The following PEX14 variants were observed in gnomAD, a reference collection of about 807,000 sequenced individuals.
PEX14 encodes the protein peroxisomal membrane protein PEX14.
A neutral mutation model predicts 49.5 loss-of-function variants in PEX14; 15 were observed. That is an observed-to-expected ratio of 0.30 (90% CI 0.20 to 0.47). PEX14 has a LOEUF of 0.47. Ranked by LOEUF, PEX14 falls within the 20% of genes least tolerant of loss-of-function variation. The pLI, the probability that PEX14 is intolerant of heterozygous loss-of-function variation, is 1.00. For missense variants in PEX14, 398 were observed against 494.8 expected, an observed-to-expected ratio of 0.80 and a Z score of 1.86; for synonymous variants, 210 against 212.7, an observed-to-expected ratio of 0.99 and a Z score of 0.11.
At chr1:10,579,640 A>G (rs1219689575) in intron 3 of PEX14, among the ~76,000 whole-genome samples, 1 of 152,142 alleles carries the variant, frequency 6.6e-6, no homozygotes, top group Non-Finnish European at 1.5e-5. Flanking sequence ...TCTTGATGAG[A>G]TGCCAGACGG....
chr1:10,583,950 G>A (rs1640406507), intron 3 of PEX14, among the ~76,000 whole-genome samples: 1 of 151,600 alleles, frequency 6.6e-6, no homozygotes, highest in South Asian at 2.1e-4. Flanking sequence ...GTTGTGTAGG[G>A]CAACAGTATC....
chr1:10,516,305 G>A (rs2124444768), intron 2 of PEX14, among the ~76,000 whole-genome samples: 1 of 152,320 alleles, frequency 6.6e-6, no homozygotes, highest in South Asian at 2.1e-4. Flanking sequence ...TAGAAACTGT[G>A]TTACTGAGTA....
rs1639813354 is a variant in PEX14, at chr1:10,566,651, GCT to G, written c.169+30355_169+30356del. Among the ~76,000 whole-genome samples, 5 of 152,124 alleles carry G rather than the reference GCT, an allele frequency of 3.3e-5. No homozygotes were observed. In the South Asian group the frequency reaches 1.0e-3, roughly 32 times the overall value. On this transcript the variant is annotated intron_variant, in intron 3 of 8. Transcript: ENST00000356607. ...TTACAGGCATGTGCCATCATGCCTG[GCT>G]AATTTTTTTGTTTGTTTGTTTGTTT...
intron 3 of PEX14, among the ~76,000 whole-genome samples, chr1:10,586,441 C>T (rs1455383273): frequency 2.0e-5 from 3 of 151,948 alleles, no homozygotes; most frequent in Non-Finnish European, 2.9e-5. Flanking sequence ...ACTCTATAAT[C>T]GAGCATTTCC....
intron 2 of PEX14, among the ~76,000 whole-genome samples, chr1:10,535,216 C>A (rs552109106): frequency 1.3e-5 from 2 of 152,328 alleles, no homozygotes; most frequent in South Asian, 2.1e-4. Flanking sequence ...CGTTTCCCAT[C>A]CATAGGGCTG....
At chr1:10,500,406 A>G (rs973755183) in intron 2 of PEX14, among the ~76,000 whole-genome samples, 3 of 150,746 alleles carry the variant, frequency 2.0e-5, no homozygotes, top group Non-Finnish European at 4.4e-5. Context: ...AAAAAAAGAA[A>G]AGAAAAGAAT....
intron 3 of PEX14, among the ~76,000 whole-genome samples, chr1:10,584,828 A>G (rs1640432488): frequency 6.6e-6 from 1 of 152,226 alleles, no homozygotes; most frequent in Admixed American, 6.5e-5. Context: ...CTTACATGGA[A>G]ACATAGAAAT....
intron 5 of PEX14, among the ~76,000 whole-genome samples, chr1:10,618,743 G>A (rs1410786001): frequency 6.6e-6 from 1 of 152,238 alleles, no homozygotes; most frequent in Non-Finnish European, 1.5e-5. Flanking sequence ...AGCCGTGCGA[G>A]CAGTTTTGAG....
intron 3 of PEX14, among the ~76,000 whole-genome samples, chr1:10,541,576 T>A (rs1639014817): frequency 6.6e-6 from 1 of 152,238 alleles, no homozygotes. Context: ...CGCTTGTTCC[T>A]GAGGATGATT....
Position 10,628,024 on chromosome 1 carries a change from C to T in PEX14, c.677+661C>T, listed in dbSNP as rs1028968522. On this transcript the variant is annotated intron_variant, in intron 8 of 8. Transcript: ENST00000356607. This position sits in a 1 kb window ranked among gnomAD's most constrained non-coding sequence, Gnocchi z 4.5. Reference sequence around the variant, plus strand: ...GATCTCGGCTCACTGCAACCTCTGCCTCCCGGGTTCACGCCATTCTCCTGC... The same window carrying T: ...GATCTCGGCTCACTGCAACCTCTGCTTCCCGGGTTCACGCCATTCTCCTGC... 1.1e-4 allele frequency among the ~76,000 whole-genome samples: 16 copies of T among 152,186 alleles called. No homozygotes were observed. The highest frequency in any genetic ancestry group is 3.4e-4 in the African/African-American group (14 of 41,418).
intron 2 of PEX14, among the ~76,000 whole-genome samples, chr1:10,523,825 T>TAAAAAAAAAAAAAA (rs59324356): frequency 7.6e-6 from 1 of 132,370 alleles, no homozygotes; most frequent in Non-Finnish European, 1.6e-5. Flanking sequence ...TCCTTTTAGT[T>TAAAAAAAAAAAAAA]AAAAAAAAAA....
chr1:10,546,607 C>T (rs546992543), intron 3 of PEX14, among the ~76,000 whole-genome samples: 1 of 147,124 alleles, frequency 6.8e-6, no homozygotes, highest in African/African-American at 2.5e-5. Flanking sequence ...TGGCTCACGC[C>T]TATAATCCCA....
intron 1 of PEX14, among the ~76,000 whole-genome samples, chr1:10,481,562 C>T (rs1360475189): frequency 6.6e-6 from 1 of 152,024 alleles, no homozygotes; most frequent in Non-Finnish European, 1.5e-5. Flanking sequence ...CAGCCTCAGC[C>T]TCCCGAGTAG....
At chr1:10,575,450 A>G (rs935163233) in intron 3 of PEX14, among the ~76,000 whole-genome samples, 22 of 152,214 alleles carry the variant, frequency 1.4e-4, no homozygotes, top group African/African-American at 5.1e-4. Context: ...TAATTTTTCA[A>G]CACCCATGGT....
intron 1 of PEX14, among the ~76,000 whole-genome samples, chr1:10,484,001 T>C (rs77101613): frequency 0.046 from 6,946 of 151,064 alleles, 513 homozygotes; most frequent in African/African-American, 0.12. Context: ...TTATGGTATG[T>C]ATCAGTAATT....
At chr1:10,585,569 A>G (rs982905627) in intron 3 of PEX14, among the ~76,000 whole-genome samples, 2 of 152,226 alleles carry the variant, frequency 1.3e-5, no homozygotes, top group Admixed American at 1.3e-4. Context: ...AAGATACACC[A>G]TGCAAACACT....
chr1:10,541,164 C>G (rs1446717003), intron 3 of PEX14, among the ~76,000 whole-genome samples: 1 of 152,182 alleles, frequency 6.6e-6, no homozygotes, highest in Non-Finnish European at 1.5e-5. Context: ...TAAGAGAGGA[C>G]AGTGGGCAAA....
chr1:10,590,256 C>T (rs536305773), intron 3 of PEX14, among the ~76,000 whole-genome samples: 7 of 152,336 alleles, frequency 4.6e-5, no homozygotes, highest in East Asian at 1.9e-4. Context: ...AACCGTGAGT[C>T]GTGCCCCTCG....
Position 10,621,634 on chromosome 1 carries a change from C to T in PEX14, c.385-1385C>T, listed in dbSNP as rs185626970. 6.6e-4 allele frequency among the ~76,000 whole-genome samples: 101 copies of T among 152,218 alleles called. 2 individuals carry two copies. In the East Asian group the frequency reaches 0.011, roughly 17 times the overall value. On this transcript the variant is annotated intron_variant, in intron 5 of 8. Coordinates refer to ENST00000356607, the MANE Select transcript of PEX14 (RefSeq NM_004565.3). ...TGCTGGGATTACAAGCGTGAGCCAC[C>T]GCGCCCGGCCAAGAATTCTTTACCT... is the stretch of plus-strand genomic sequence containing the variant.
Sources: allele counts gnomAD v4.1 joint callset (sites outside exome capture counted in the v4.1 genomes callset), GRCh38; gene constraint gnomAD v4.1.1; non-coding constraint Gnocchi (gnomAD v3.1); transcripts MANE v1.5; gene names NCBI Gene and HGNC (gene_info 2026-07-23, HGNC 2026-07-21).